The following COPRS variants were observed in gnomAD, a reference collection of about 807,000 sequenced individuals.
The protein encoded by COPRS is coordinator of PRMT5 and differentiation stimulator.
A neutral mutation model predicts 19.9 loss-of-function variants in COPRS; 11 were observed. That is an observed-to-expected ratio of 0.55 (90% CI 0.35 to 0.92). The LOEUF (loss-of-function observed/expected upper bound fraction) is 0.92, where lower values mean the gene tolerates loss of function less well. Ranked by LOEUF, COPRS falls within the 40% of genes least tolerant of loss-of-function variation. COPRS has a pLI of 0.01. For synonymous variants in COPRS, 81 were observed against 82.7 expected, an observed-to-expected ratio of 0.98 and a Z score of 0.11; for missense variants, 225 against 229.9, an observed-to-expected ratio of 0.98 and a Z score of 0.14.
At chr17:31,855,815 G>T (rs142832194) in intron 2 of COPRS, among the ~76,000 whole-genome samples, 3,596 of 151,998 alleles carry the variant, frequency 0.024, 70 homozygotes, top group Non-Finnish European at 0.036. Context: ...GGCTAACATG[G>T]TGAAACCCCA....
At chr17:31,855,082 A>T (rs140222944) in intron 2 of COPRS, among the ~76,000 whole-genome samples, 1 of 152,284 alleles carries the variant, frequency 6.6e-6, no homozygotes, top group Non-Finnish European at 1.5e-5. Context: ...TGAGAGTTAA[A>T]AGAAAAAAAA....
At chr17:31,858,846 C>T (rs767031223) in intron 1 of COPRS, 2 of 1,547,540 alleles carry the variant, frequency 1.3e-6, no homozygotes, top group Non-Finnish European at 1.7e-6. Flanking sequence ...CGGCGCCCAG[C>T]GGGCGGACAG....
rs962785258 is a variant in COPRS, at chr17:31,859,177, G to A, written c.23C>T (p.Ala8Val). 187 of 1,061,866 alleles carry A rather than the reference G, an allele frequency of 1.8e-4. 1 individual carries two copies. The Middle Eastern group carries it at 5.2e-3, about 29-fold the overall frequency. 65.8% of individuals were successfully genotyped at this position (1,061,866 alleles called of 1,614,324 possible). The change falls in exon 1 of 4, where the codon GCC (alanine) becomes GTC (valine). Residue 8 changes from alanine to valine, a missense_variant. By Grantham distance (64) the Ala-to-Val change is moderately conservative. Transcript: ENST00000302362. The stretch of plus-strand genomic sequence containing the variant: ...CGGCTCCGCGGCCCCCTGCGCCTGG[G>A]CCCCGGCGGCCTGAAGGTCCATGCC... Reference protein sequence around the residue: MDLQAAGAQAQGAAEPSR... With the variant: MDLQAAGVQAQGAAEPSR...
chr17:31,852,208 C>T lies in COPRS; in HGVS notation c.486G>A (p.Pro162=), dbSNP rs1294200251. Residue 162 remains proline (P), a synonymous_variant, in exon 4 of 4, where the codon CCG becomes CCA. Transcript: ENST00000302362. The part of the protein sequence containing the change: ...DMIYDPSWHH[P]PPLIPYYSKM... Reference sequence around the variant, plus strand: ...TGGAATAATAGGGTATCAGTGGAGGCGGATGGTGCCAGCTGGGGTCATAGA... The same window carrying T: ...TGGAATAATAGGGTATCAGTGGAGGTGGATGGTGCCAGCTGGGGTCATAGA... 1.2e-6 allele frequency: 2 copies of T among 1,614,096 alleles called. No homozygotes were observed.
chr17:31,851,920 A>C lies in COPRS; in HGVS notation c.*219T>G, dbSNP rs916445533. 1.3e-5 allele frequency: 7 copies of C among 533,830 alleles called. No homozygotes were observed. The highest frequency in any genetic ancestry group is 1.1e-4 in the South Asian group (5 of 46,006). 33.1% of individuals were successfully genotyped at this position (533,830 alleles called of 1,614,324 possible). ...AAAGAACACAACTCCTCTTGACACA[A>C]ACACACACACATTTCAAGGAGGAGC... is the stretch of plus-strand genomic sequence containing the variant. On this transcript the variant is annotated 3_prime_UTR_variant, in exon 4 of 4. Coordinates refer to ENST00000302362, the MANE Select transcript of COPRS (RefSeq NM_018405.4).
Position 31,851,928 on chromosome 17 carries a change from C to T in COPRS, c.*211G>A. ...CAACTCCTCTTGACACAAACACACACACATTTCAAGGAGGAGCCCATTAAG... is the reference window on the plus strand; with the variant it reads ...CAACTCCTCTTGACACAAACACACATACATTTCAAGGAGGAGCCCATTAAG... On this transcript the variant is annotated 3_prime_UTR_variant, in exon 4 of 4. Transcript: ENST00000302362. 1.8e-6 allele frequency: 1 copy of T among 549,422 alleles called. No homozygotes were observed. Among genetic ancestry groups the T allele is most frequent in the Non-Finnish European group, 3.2e-6 (1 of 308,880 alleles). The allele number at this position is 549,422 out of a possible 1,614,324, so 34.0% of individuals were successfully genotyped here. A position where few individuals can be genotyped will look rare whatever the true frequency, so the allele number is the denominator to read the frequency against.
Position 31,852,907 on chromosome 17 carries a change from G to C in COPRS, c.290C>G (p.Ser97Ter). ...SDGELNTWEL[S>*]EGTNCPPKEQ... is the part of the protein sequence containing the mutation. The stretch of plus-strand genomic sequence containing the variant: ...CTTGGGTGGACAGTTTGTCCCTTCT[G>C]ACAGCTCCCAGGTATTCAGTTCTCC... The change falls in exon 3 of 4, where the codon TCA becomes TGA. Residue 97 changes from serine (S) to a stop codon, truncating the protein, a stop_gained. Transcript: ENST00000302362. LOFTEE classifies it high-confidence loss of function. 2 of 1,614,078 alleles carry C rather than the reference G, an allele frequency of 1.2e-6. No homozygotes were observed. The highest frequency in any genetic ancestry group is 8.5e-7 in the Non-Finnish European group (1 of 1,179,916).
At chr17:31,855,917 C>T (rs940501811) in intron 2 of COPRS, among the ~76,000 whole-genome samples, 1 of 150,922 alleles carries the variant, frequency 6.6e-6, no homozygotes, top group Non-Finnish European at 1.5e-5. Context: ...ATGCTTGAAT[C>T]CAGGAGGCAG....
chr17:31,853,935 A>ATCT (rs1419139316), intron 2 of COPRS, among the ~76,000 whole-genome samples: 3 of 152,316 alleles, frequency 2.0e-5, no homozygotes, highest in African/African-American at 7.2e-5. Flanking sequence ...AGGTCCCAGG[A>ATCT]GAGAAGGCAA....
intron 1 of COPRS, chr17:31,858,445 A>T: frequency 2.0e-6 from 2 of 981,040 alleles, no homozygotes; most frequent in Non-Finnish European, 2.4e-6. Context: ...GCACTATGCT[A>T]GGCTGTGCAA....
At chr17:31,853,730 G>A (rs1162626052) in intron 2 of COPRS, among the ~76,000 whole-genome samples, 2 of 152,152 alleles carry the variant, frequency 1.3e-5, no homozygotes, top group African/African-American at 4.8e-5. Flanking sequence ...TGTTAGAGGT[G>A]AGCACAGGGA....
chr17:31,858,359 T>C, intron 1 of COPRS: 1 of 985,380 alleles, frequency 1.0e-6, no homozygotes, highest in Non-Finnish European at 1.2e-6. Flanking sequence ...TCGCTGCATT[T>C]TTCATATCTT....
intron 1 of COPRS, among the ~76,000 whole-genome samples, chr17:31,857,388 G>A (rs953380947): frequency 2.6e-5 from 4 of 152,120 alleles, no homozygotes; most frequent in African/African-American, 4.8e-5. Flanking sequence ...CCAGGTACAC[G>A]TTTTACCTTT....
At chr17:31,854,619 T>C (rs773279846) in intron 2 of COPRS, among the ~76,000 whole-genome samples, 3 of 152,192 alleles carry the variant, frequency 2.0e-5, no homozygotes, top group Non-Finnish European at 4.4e-5. Context: ...ATGATGGAAT[T>C]ATTCAGCCAT....
chr17:31,858,644 G>A (rs1002277395), intron 1 of COPRS: 1 of 1,088,898 alleles, frequency 9.2e-7, no homozygotes, highest in Non-Finnish European at 1.3e-6. Flanking sequence ...GTTTCAGTAA[G>A]GAGAAGGGGG....
At chr17:31,856,333 CA>C (rs944661228) in intron 2 of COPRS, among the ~76,000 whole-genome samples, 112 of 145,700 alleles carry the variant, frequency 7.7e-4, no homozygotes, top group African/African-American at 2.6e-3. Flanking sequence ...GACTCCGTTT[CA>C]AAAAAAAAAG....
chr17:31,852,363 G>C, intron 3 of COPRS, 55 bp from the exon 4 acceptor site: 46 of 1,412,436 alleles, frequency 3.3e-5, no homozygotes, highest in Non-Finnish European at 3.7e-5. Context: ...AGGAAGGAAG[G>C]TAAAAACGGA....
intron 2 of COPRS, among the ~76,000 whole-genome samples, chr17:31,856,334 A>C (rs1389083770): frequency 6.7e-6 from 1 of 149,682 alleles, no homozygotes; most frequent in Non-Finnish European, 1.5e-5. Flanking sequence ...ACTCCGTTTC[A>C]AAAAAAAAAG....
intron 3 of COPRS, 26 bp downstream of exon 3, chr17:31,852,786 A>C (rs772145984): frequency 6.4e-7 from 1 of 1,557,546 alleles, no homozygotes; most frequent in Admixed American, 1.7e-5. Flanking sequence ...GGCCTAGTTC[A>C]GGACCCCCAG....
Sources: gnomAD v4.1 joint callset for allele counts (sites outside exome capture counted in the v4.1 genomes callset) on GRCh38, gnomAD v4.1.1 for gene constraint, MANE v1.5 for transcripts, NCBI Gene and HGNC (gene_info 2026-07-23, HGNC 2026-07-21) for gene names.